CTNNBL1: variants seen among roughly 807,000 people sequenced by gnomAD.
CTNNBL1 encodes catenin beta like 1.
CTNNBL1 carries 31 observed loss-of-function variants against 72.7 expected under a neutral mutation model. The observed-to-expected ratio is 0.43, with a 90% CI of 0.32 to 0.58. CTNNBL1 has a LOEUF of 0.58. CTNNBL1 is among the 20% of genes least tolerant of loss of function. CTNNBL1 has a pLI of 0.08. For synonymous variants in CTNNBL1, 240 were observed against 267.3 expected (o/e 0.90, Z 1.00); for missense variants, 534 against 725.1 (o/e 0.74, Z 3.03).
chr20:37,810,256 C>T (rs766300444), intron 11 of CTNNBL1, among the ~76,000 whole-genome samples: 8 of 152,154 alleles, frequency 5.3e-5, no homozygotes, highest in Non-Finnish European at 1.2e-4. Context: ...GGGACTCATG[C>T]TGTGTCAACT....
intron 11 of CTNNBL1, among the ~76,000 whole-genome samples, chr20:37,827,884 C>T (rs1203005184): frequency 6.6e-6 from 1 of 152,152 alleles, no homozygotes; most frequent in East Asian, 1.9e-4. Flanking sequence ...GCTTCTCTTG[C>T]CTCACCTTCC....
chr20:37,737,274 G>A (rs960764354), intron 2 of CTNNBL1, 104 bp from the exon 3 acceptor site: 2 of 778,796 alleles, frequency 2.6e-6, no homozygotes, highest in Non-Finnish European at 4.4e-6. Context: ...ACCCAGAAAG[G>A]TCAATGGCAG....
chr20:37,799,524 C>T (rs778234813), intron 10 of CTNNBL1, among the ~76,000 whole-genome samples: 3 of 152,198 alleles, frequency 2.0e-5, no homozygotes, highest in South Asian at 2.1e-4. Flanking sequence ...TCCTTAGACT[C>T]GGTGCAGAAG....
chr20:37,739,840 T>G (rs2073199783), intron 3 of CTNNBL1, among the ~76,000 whole-genome samples: 1 of 152,236 alleles, frequency 6.6e-6, no homozygotes, highest in Admixed American at 6.5e-5. Context: ...AGAGCTCATG[T>G]AGTCCCTGTC....
At chr20:37,769,044 G>T (rs1171398758) in intron 7 of CTNNBL1, among the ~76,000 whole-genome samples, 1 of 152,220 alleles carries the variant, frequency 6.6e-6, no homozygotes, top group Non-Finnish European at 1.5e-5. Context: ...CTCCCAGAGT[G>T]CTGGGATTAC....
At chr20:37,719,691 T>G (rs1250494015) in intron 1 of CTNNBL1, among the ~76,000 whole-genome samples, 1 of 152,212 alleles carries the variant, frequency 6.6e-6, no homozygotes, top group Non-Finnish European at 1.5e-5. Context: ...TTTTTAAATG[T>G]AATAACCTTA....
At chr20:37,696,723 G>A (rs560730967) in intron 1 of CTNNBL1, among the ~76,000 whole-genome samples, 77 of 152,066 alleles carry the variant, frequency 5.1e-4, no homozygotes, top group Non-Finnish European at 9.3e-4. Flanking sequence ...GATTACAGGC[G>A]TGAGCCACTG....
chr20:37,718,812 G>T (rs1052097054), intron 1 of CTNNBL1, among the ~76,000 whole-genome samples: 1 of 152,252 alleles, frequency 6.6e-6, no homozygotes, highest in Non-Finnish European at 1.5e-5. Context: ...AGTGTTGGCT[G>T]AAAGATGATG....
At chr20:37,841,894 A>T (rs753548008) in intron 12 of CTNNBL1, among the ~76,000 whole-genome samples, 7 of 152,266 alleles carry the variant, frequency 4.6e-5, no homozygotes, top group South Asian at 2.1e-4. Context: ...AGGCATTTTT[A>T]AAAAAAGATC....
At chr20:37,728,400 G>C (rs1445295402) in intron 1 of CTNNBL1, among the ~76,000 whole-genome samples, 2 of 152,116 alleles carry the variant, frequency 1.3e-5, no homozygotes, top group Admixed American at 6.5e-5. Flanking sequence ...TCTGTGGCCT[G>C]TACTATATTT....
chr20:37,870,210 A>G (rs1379116284), intron 15 of CTNNBL1, among the ~76,000 whole-genome samples: 1 of 151,988 alleles, frequency 6.6e-6, no homozygotes, highest in African/African-American at 2.4e-5. Context: ...CTCCTCAGGA[A>G]TATTTCCTTT....
rs531747404 is a variant in CTNNBL1 at position 37,747,323 on chromosome 20, C to T, written c.466+716C>T. ...CTGGGAGGCAGAGGTTGCAGTGAGC[C>T]GAGATCATGCCACTGTATGCTACTC... is the stretch of plus-strand genomic sequence containing the variant. On this transcript the variant is annotated intron_variant, in intron 4 of 15. Transcript: ENST00000361383. Among the ~76,000 whole-genome samples, 17 of 141,598 alleles carry T rather than the reference C, an allele frequency of 1.2e-4. 1 individual carries two copies. The highest frequency in any genetic ancestry group is 3.9e-4 in the Admixed American group (5 of 12,958). 92.9% of individuals were successfully genotyped at this position (141,598 alleles called of 152,430 possible). A position where few individuals can be genotyped will look rare whatever the true frequency, so the allele number is the denominator to read the frequency against.
intron 10 of CTNNBL1, among the ~76,000 whole-genome samples, chr20:37,799,329 G>T (rs753970134): frequency 2.0e-5 from 3 of 152,084 alleles, no homozygotes; most frequent in Non-Finnish European, 4.4e-5. Context: ...AGCACGTGTG[G>T]AGCCTGTCAT....
At chr20:37,833,439 C>T (rs2072228324) in intron 11 of CTNNBL1, among the ~76,000 whole-genome samples, 1 of 152,170 alleles carries the variant, frequency 6.6e-6, no homozygotes, top group Non-Finnish European at 1.5e-5. Flanking sequence ...CAGGCAGGGA[C>T]TCTCACTGGC....
At chr20:37,823,201 T>G (rs185722405) in intron 11 of CTNNBL1, among the ~76,000 whole-genome samples, 14 of 152,356 alleles carry the variant, frequency 9.2e-5, no homozygotes, top group African/African-American at 3.4e-4. Flanking sequence ...GATGACTGCC[T>G]GTTTTTCCAG....
chr20:37,763,008 A>G (rs2073432120), intron 5 of CTNNBL1, among the ~76,000 whole-genome samples: 1 of 152,214 alleles, frequency 6.6e-6, no homozygotes. Flanking sequence ...GATGGGAAAC[A>G]TAACTAAGAA....
intron 13 of CTNNBL1, among the ~76,000 whole-genome samples, chr20:37,857,717 A>G (rs1378222209): frequency 6.6e-6 from 1 of 152,232 alleles, no homozygotes; most frequent in East Asian, 1.9e-4. Flanking sequence ...AGGGCTTCCC[A>G]TCAGTGACAG....
At chr20:37,790,459 G>GT (rs1451959327) in intron 10 of CTNNBL1, among the ~76,000 whole-genome samples, 1 of 152,192 alleles carries the variant, frequency 6.6e-6, no homozygotes, top group East Asian at 1.9e-4. Context: ...TACAGGTTGT[G>GT]TTCCAAGCTG....
At chr20:37,790,261 A>G (rs557385630) in intron 10 of CTNNBL1, among the ~76,000 whole-genome samples, 1 of 152,282 alleles carries the variant, frequency 6.6e-6, no homozygotes, top group Non-Finnish European at 1.5e-5. Flanking sequence ...TCCTTACTCT[A>G]CTTTGCTTTT....
Sources: allele counts gnomAD v4.1 joint callset (sites outside exome capture counted in the v4.1 genomes callset), GRCh38; gene constraint gnomAD v4.1.1; transcripts MANE v1.5; gene names NCBI Gene and HGNC (gene_info 2026-07-23, HGNC 2026-07-21).